The following ODAD2 variants were observed in gnomAD, a reference collection of about 807,000 sequenced individuals.
ODAD2 encodes the protein outer dynein arm docking complex subunit 2, also known as outer dynein arm-docking complex subunit 2.
Under a neutral mutation model 106.8 loss-of-function variants are expected in ODAD2, and 89 were observed. That is an observed-to-expected ratio of 0.83 (90% CI 0.70 to 0.99). ODAD2 has a LOEUF of 0.99. Among genes scored for constraint, ODAD2 ranks in the 50% least tolerant of loss-of-function variants. ODAD2 has a pLI of 0.00. For missense variants in ODAD2, 1,168 were observed against 1,238.5 expected, an observed-to-expected ratio of 0.94 and a Z score of 0.85; for synonymous variants, 404 against 436.2, an observed-to-expected ratio of 0.93 and a Z score of 0.92.
Position 27,852,827 on chromosome 10 carries a change from G to A in ODAD2, c.3021+7798C>T, listed in dbSNP as rs549004195. 4.6e-5 allele frequency among the ~76,000 whole-genome samples: 7 copies of A among 152,142 alleles called. No individual in the cohort carries two copies. In the South Asian group the frequency reaches 1.5e-3, roughly 32 times the overall value. On this transcript the variant is annotated intron_variant, in intron 19 of 19. Transcript: ENST00000305242. ...AATACAAAAAGTAGTCAGGCATGGT[G>A]GCATGAGCCTGTAATCTCAGCTACT... is the stretch of plus-strand genomic sequence containing the variant.
chr10:27,911,609 T>C (rs1476897890), intron 16 of ODAD2, among the ~76,000 whole-genome samples: 2 of 152,202 alleles, frequency 1.3e-5, no homozygotes, highest in Admixed American at 6.5e-5. Context: ...CTCCCCGTTA[T>C]GCACTTTCAA....
At chr10:27,899,931 C>T (rs950005332) in intron 17 of ODAD2, among the ~76,000 whole-genome samples, 4 of 152,184 alleles carry the variant, frequency 2.6e-5, no homozygotes, top group African/African-American at 9.6e-5. Context: ...CTGAAGAGAG[C>T]AGTGGATCTC....
intron 7 of ODAD2, among the ~76,000 whole-genome samples, chr10:27,975,541 C>T (rs1188883862): frequency 2.6e-5 from 4 of 152,078 alleles, no homozygotes; most frequent in Non-Finnish European, 5.9e-5. Flanking sequence ...ACCAAATGAA[C>T]AAATTCCTTT....
intron 2 of ODAD2, among the ~76,000 whole-genome samples, chr10:27,990,088 T>A (rs1285398810): frequency 6.6e-6 from 1 of 152,182 alleles, no homozygotes; most frequent in Non-Finnish European, 1.5e-5. Context: ...ATTCTGTTTA[T>A]ACTCTAAAGC....
intron 19 of ODAD2, among the ~76,000 whole-genome samples, chr10:27,826,241 T>A (rs928591270): frequency 6.6e-6 from 1 of 152,196 alleles, no homozygotes; most frequent in Admixed American, 6.5e-5. Context: ...CAGGTTTGAC[T>A]CTCTGTTCTC....
chr10:27,979,408 G>GTGATGCCATCTTGTGAA (rs1340991495), intron 7 of ODAD2, among the ~76,000 whole-genome samples: 13 of 148,794 alleles, frequency 8.7e-5, no homozygotes, highest in African/African-American at 3.0e-4. Flanking sequence ...GCATGATCTT[G>GTGATGCCATCTTGTGAA]TATGCAGAAA....
chr10:27,870,714 A>G (rs1326008147), intron 17 of ODAD2, among the ~76,000 whole-genome samples: 2 of 152,220 alleles, frequency 1.3e-5, no homozygotes, highest in Non-Finnish European at 2.9e-5. Flanking sequence ...ATAGTATTAC[A>G]TGATGTATAT....
intron 19 of ODAD2, among the ~76,000 whole-genome samples, chr10:27,850,375 G>A (rs1430895184): frequency 3.3e-5 from 5 of 150,160 alleles, no homozygotes; most frequent in Non-Finnish European, 7.4e-5. Context: ...AACCTGGGAG[G>A]CAGAGCTTGC....
intron 2 of ODAD2, among the ~76,000 whole-genome samples, chr10:27,993,132 C>T (rs1404543648): frequency 1.3e-5 from 2 of 151,942 alleles, no homozygotes; most frequent in Non-Finnish European, 2.9e-5. Flanking sequence ...CCAGGCTGGT[C>T]TTGAACTCCT....
At chr10:27,835,252 G>C (rs928153645) in intron 19 of ODAD2, among the ~76,000 whole-genome samples, 16 of 152,226 alleles carry the variant, frequency 1.1e-4, no homozygotes, top group Admixed American at 7.2e-4. Flanking sequence ...TCTGTCTATA[G>C]TGGAAAACAG....
intron 16 of ODAD2, among the ~76,000 whole-genome samples, chr10:27,926,243 A>G (rs1172793144): frequency 6.6e-6 from 1 of 152,118 alleles, no homozygotes; most frequent in Non-Finnish European, 1.5e-5. Context: ...TGGCCCATAA[A>G]CCATAGTTTA....
chr10:27,844,391 C>T (rs1838552780), intron 19 of ODAD2, among the ~76,000 whole-genome samples: 1 of 152,118 alleles, frequency 6.6e-6, no homozygotes, highest in Non-Finnish European at 1.5e-5. Flanking sequence ...CTGCCAAGTC[C>T]CCTTCCTTTT....
intron 16 of ODAD2, among the ~76,000 whole-genome samples, chr10:27,910,138 T>C (rs1391103342): frequency 6.6e-6 from 1 of 152,158 alleles, no homozygotes; most frequent in Non-Finnish European, 1.5e-5. Context: ...TTTTTCTCAA[T>C]TTCAATCCAT....
At chr10:27,907,448 A>C (rs1377373241) in intron 17 of ODAD2, among the ~76,000 whole-genome samples, 1 of 152,206 alleles carries the variant, frequency 6.6e-6, no homozygotes, top group Non-Finnish European at 1.5e-5. Context: ...GAATTTGGCA[A>C]GCACTGACAT....
chr10:27,812,357 T>C lies in ODAD2; in HGVS notation c.*155A>G, dbSNP rs929436574. 20 of 657,076 alleles carry C rather than the reference T, an allele frequency of 3.0e-5. No individual in the cohort carries two copies. Among genetic ancestry groups the C allele is most frequent in the Non-Finnish European group, 4.7e-5 (19 of 401,734 alleles). 40.7% of individuals were successfully genotyped at this position (657,076 alleles called of 1,614,324 possible). A position where few individuals can be genotyped will look rare whatever the true frequency, so the allele number is the denominator to read the frequency against. On this transcript the variant is annotated 3_prime_UTR_variant, in exon 20 of 20. Coordinates refer to ENST00000305242, the MANE Select transcript of ODAD2 (RefSeq NM_018076.5). ...CAAAAGTCTCCATGCAATTTTCAGA[T>C]GAAAAACATTCTGTGCATTTTCAAT...
intron 2 of ODAD2, 75 bp downstream of exon 2, chr10:27,994,844 C>T (rs1374776086): frequency 2.6e-6 from 4 of 1,512,612 alleles, no homozygotes; most frequent in Non-Finnish European, 2.7e-6. Flanking sequence ...GGTGACTTGC[C>T]CCCAAACCTA....
intron 1 of ODAD2, among the ~76,000 whole-genome samples, chr10:27,998,017 T>C (rs1342882227): frequency 6.6e-6 from 1 of 152,238 alleles, no homozygotes; most frequent in Admixed American, 6.5e-5. Flanking sequence ...ATACCACAGA[T>C]TGTTTTTCTT....
intron 19 of ODAD2, among the ~76,000 whole-genome samples, chr10:27,850,266 G>A (rs963050010): frequency 7.9e-5 from 12 of 152,024 alleles, no homozygotes; most frequent in Non-Finnish European, 1.8e-4. Flanking sequence ...CCAACATGGT[G>A]AAACCCCCTC....
At chr10:27,848,019 G>A (rs1412824815) in intron 19 of ODAD2, among the ~76,000 whole-genome samples, 1 of 152,122 alleles carries the variant, frequency 6.6e-6, no homozygotes, top group Non-Finnish European at 1.5e-5. Flanking sequence ...TAGATTCAAT[G>A]CCATTCCCAT....
Sources: gnomAD v4.1 joint callset for allele counts (sites outside exome capture counted in the v4.1 genomes callset) on GRCh38, gnomAD v4.1.1 for gene constraint, MANE v1.5 for transcripts, NCBI Gene and HGNC (gene_info 2026-07-23, HGNC 2026-07-21) for gene names.